The following ANKRD62 variants were observed in gnomAD, a reference collection of about 807,000 sequenced individuals.
The protein encoded by ANKRD62 is ankyrin repeat domain-containing protein 62.
A neutral mutation model predicts 98.8 loss-of-function variants in ANKRD62; 61 were observed. That is an observed-to-expected ratio of 0.62 (90% CI 0.50 to 0.76). ANKRD62 has a LOEUF of 0.76. Among genes scored for constraint, ANKRD62 ranks in the 30% least tolerant of loss-of-function variants. The probability of loss-of-function intolerance (pLI) is 0.00; values close to 1 mark genes in which losing one functional copy is unlikely to be tolerated. For synonymous variants in ANKRD62, 341 were observed against 367.9 expected, an observed-to-expected ratio of 0.93 and a Z score of 0.84; for missense variants, 933 against 1,082.9, an observed-to-expected ratio of 0.86 and a Z score of 1.94.
intron 11 of ANKRD62, among the ~76,000 whole-genome samples, chr18:12,123,918 C>T (rs569717161): frequency 1.6e-4 from 25 of 152,192 alleles, no homozygotes; most frequent in African/African-American, 5.3e-4. Flanking sequence ...ATAATATTTA[C>T]GAGAATTACT....
chr18:12,122,524 A>G lies in ANKRD62; in HGVS notation c.1454+8A>G. On this transcript the variant is annotated splice_region_variant and intron_variant, in intron 11 of 13. Coordinates refer to ENST00000587848, the MANE Select transcript of ANKRD62 (RefSeq NM_001277333.2). ...AAAGCTCTGTAATTTGAGGTATCAC[A>G]TTCTAGTTTTAAAGAAATATTTCAA... 1 of 1,503,126 alleles carries G rather than the reference A, an allele frequency of 6.7e-7. No homozygotes were observed. The highest frequency in any genetic ancestry group is 1.3e-5 in the South Asian group (1 of 77,720). 93.1% of individuals were successfully genotyped at this position (1,503,126 alleles called of 1,614,324 possible).
the ANKRD62 span, among the ~76,000 whole-genome samples, chr18:12,159,359 A>T: frequency 6.6e-6 from 1 of 152,280 alleles, no homozygotes. Context: ...ATCCTGAAAA[A>T]TCATATTTAA....
Position 12,094,215 on chromosome 18 carries a change from C to G in ANKRD62, c.198C>G (p.Asn66Lys). ...TCTTGCTCAGGCTGAATGACTTGAA[C>G]GACAGGGACAAGAAGAACAGGTAAG... ...ESILLRLNDLNDRDKKNRTAL... is the reference protein window; with the variant it reads ...ESILLRLNDLKDRDKKNRTAL... The change falls in exon 1 of 14, where the codon AAC becomes AAG. Residue 66 changes from asparagine (N) to lysine (K), a missense_variant. By Grantham distance (94) the Asn-to-Lys change is moderately conservative (BLOSUM62 0). Transcript: ENST00000587848. 6.5e-7 allele frequency: 1 copy of G among 1,527,854 alleles called. No homozygotes were observed. The highest frequency in any genetic ancestry group is 8.7e-7 in the Non-Finnish European group (1 of 1,145,258). The allele number at this position is 1,527,854 out of a possible 1,614,324, so 94.6% of individuals were successfully genotyped here. A position where few individuals can be genotyped will look rare whatever the true frequency, so the allele number is the denominator to read the frequency against.
At chr18:12,175,166 G>A in the ANKRD62 span, among the ~76,000 whole-genome samples, 7 of 152,342 alleles carry the variant, frequency 4.6e-5, no homozygotes, top group South Asian at 1.4e-3. Context: ...TGTTGCCTTG[G>A]GAGCACTGGC....
intron 10 of ANKRD62, among the ~76,000 whole-genome samples, chr18:12,116,857 C>G (rs771221850): frequency 5.9e-5 from 9 of 152,098 alleles, no homozygotes; most frequent in African/African-American, 1.7e-4. Context: ...GGAGAATTGA[C>G]TTCTTAACAA....
the ANKRD62 span, among the ~76,000 whole-genome samples, chr18:12,177,571 T>G: frequency 6.6e-6 from 1 of 151,900 alleles, no homozygotes; most frequent in Non-Finnish European, 1.5e-5. Flanking sequence ...GTTGTGTGTT[T>G]CCACAAATGT....
the ANKRD62 span, among the ~76,000 whole-genome samples, chr18:12,138,642 G>T: frequency 2.6e-5 from 4 of 152,308 alleles, no homozygotes; most frequent in East Asian, 7.7e-4. Flanking sequence ...TGTTGACAGT[G>T]GGGTGTTAAA....
Position 12,122,493 on chromosome 18 carries a change from G to C in ANKRD62, c.1431G>C (p.Gly477=). 6.6e-7 allele frequency: 1 copy of C among 1,519,628 alleles called. No individual in the cohort carries two copies. The highest frequency in any genetic ancestry group is 1.2e-5 in the South Asian group (1 of 80,372). 94.1% of individuals were successfully genotyped at this position (1,519,628 alleles called of 1,614,324 possible). A position where few individuals can be genotyped will look rare whatever the true frequency, so the allele number is the denominator to read the frequency against. Residue 477 remains glycine (G), a synonymous_variant, in exon 11 of 14, where the codon GGG becomes GGC. Coordinates refer to ENST00000587848, the MANE Select transcript of ANKRD62 (RefSeq NM_001277333.2). ...AGTCAGAGCATCAGAATCTTCAAGGGAAAAAAAAGCTCTGTAATTTGAGGT... is the reference window on the plus strand; with the variant it reads ...AGTCAGAGCATCAGAATCTTCAAGGCAAAAAAAAGCTCTGTAATTTGAGGT... ...KSQSEHQNLQ[G]KKKLCNLRFI... is the part of the protein sequence containing the mutation.
chr18:12,180,944 C>A, the ANKRD62 span, among the ~76,000 whole-genome samples: 47,246 of 139,110 alleles, frequency 0.34, 8,500 homozygotes, highest in Middle Eastern at 0.46. Flanking sequence ...TCCCTCCCCC[C>A]CCACCTCACA....
chr18:12,122,539 A>G, intron 11 of ANKRD62, 23 bp downstream of exon 11: 1 of 1,487,636 alleles, frequency 6.7e-7, no homozygotes, highest in Non-Finnish European at 8.9e-7. Context: ...AGTTTTAAAG[A>G]AATATTTCAA....
At chr18:12,114,808 T>G (rs373946171) in intron 8 of ANKRD62, among the ~76,000 whole-genome samples, 5 of 150,942 alleles carry the variant, frequency 3.3e-5, no homozygotes, top group African/African-American at 4.9e-5. Flanking sequence ...AAATAACATG[T>G]TTTTTTTTCT....
At position 12,093,883 on chromosome 18, in the gene ANKRD62, T is replaced by G. The variant is rs1167510320; in HGVS notation, c.-135T>G. The G allele has an allele frequency of 1.3e-5, 10 of 779,622 alleles. No homozygotes were observed. Among genetic ancestry groups the G allele is most frequent in the Non-Finnish European group, 1.9e-5 (9 of 477,582 alleles). 48.3% of individuals were successfully genotyped at this position (779,622 alleles called of 1,614,324 possible). A position where few individuals can be genotyped will look rare whatever the true frequency, so the allele number is the denominator to read the frequency against. ...GGTGCTCCTCCGAGCAGCTGGAGAC[T>G]GGAGTGTCCCTGACGGAGGTTGCGG... On this transcript the variant is annotated 5_prime_UTR_variant, in exon 1 of 14. Transcript: ENST00000587848.
downstream of ANKRD62, among the ~76,000 whole-genome samples, chr18:12,132,568 A>G (rs1910021485): frequency 6.6e-6 from 1 of 152,094 alleles, no homozygotes; most frequent in Non-Finnish European, 1.5e-5. Flanking sequence ...ATCTTCGGGG[A>G]AAGCATTCAG....
chr18:12,101,598 A>G (rs565135290), intron 6 of ANKRD62, among the ~76,000 whole-genome samples: 1 of 152,344 alleles, frequency 6.6e-6, no homozygotes, highest in Non-Finnish European at 1.5e-5. Flanking sequence ...TTATTCATGA[A>G]TTAACAGTAT....
intron 9 of ANKRD62, 96 bp from the exon 10 acceptor site, chr18:12,115,297 C>A: frequency 7.5e-7 from 1 of 1,326,822 alleles, no homozygotes; most frequent in South Asian, 1.7e-5. Context: ...TGTGTTTTTG[C>A]TCATGTAAAA....
At position 12,127,982 on chromosome 18, in the gene ANKRD62, G is replaced by A; in HGVS notation, c.*43G>A. 8.6e-7 allele frequency: 1 copy of A among 1,157,562 alleles called. No homozygotes were observed. The highest frequency in any genetic ancestry group is 1.1e-6 in the Non-Finnish European group (1 of 907,460). The allele number at this position is 1,157,562 out of a possible 1,614,324, so 71.7% of individuals were successfully genotyped here. A position where few individuals can be genotyped will look rare whatever the true frequency, so the allele number is the denominator to read the frequency against. On this transcript the variant is annotated 3_prime_UTR_variant, in exon 14 of 14. Transcript: ENST00000587848. ...AGTGTTTCAGGACACTAGTTTCAGT[G>A]GAGAGCTTTCTTTTGTATTTTCATT...
downstream of ANKRD62, among the ~76,000 whole-genome samples, chr18:12,131,006 A>G (rs1255012911): frequency 6.6e-6 from 1 of 152,170 alleles, no homozygotes; most frequent in Non-Finnish European, 1.5e-5. Context: ...ATGTTTTACA[A>G]AAATGTTTTG....
At chr18:12,132,659 C>T (rs1470407700), downstream of ANKRD62, among the ~76,000 whole-genome samples, 1 of 151,934 alleles carries the variant, frequency 6.6e-6, no homozygotes, top group Non-Finnish European at 1.5e-5. Flanking sequence ...TCTTGTATCT[C>T]CAGTTTGCTG....
intron 10 of ANKRD62, among the ~76,000 whole-genome samples, chr18:12,116,457 A>AT (rs573288670): frequency 1.3e-5 from 2 of 152,258 alleles, no homozygotes; most frequent in South Asian, 2.1e-4. Context: ...TATTAAAAGT[A>AT]TTTTTTTAAT....
Sources: gnomAD v4.1 joint callset for allele counts (sites outside exome capture counted in the v4.1 genomes callset) on GRCh38, gnomAD v4.1.1 for gene constraint, MANE v1.5 for transcripts, NCBI Gene and HGNC (gene_info 2026-07-23, HGNC 2026-07-21) for gene names.